Variants in DIDO1 observed in about 807,000 individuals in gnomAD.
DIDO1 encodes death inducer-obliterator 1, also known as death-inducer obliterator 1.
DIDO1 carries 16 observed loss-of-function variants against 99.4 expected under a neutral mutation model. That is an observed-to-expected ratio of 0.16 (90% CI 0.11 to 0.24). DIDO1 has a LOEUF of 0.24. Among genes scored for constraint, DIDO1 ranks in the 10% least tolerant of loss-of-function variants. The probability of loss-of-function intolerance (pLI) is 1.00; values close to 1 mark genes in which losing one functional copy is unlikely to be tolerated. For missense variants in DIDO1, 2,996 were observed against 3,014.0 expected (o/e 0.99, Z 0.14); for synonymous variants, 1,366 against 1,239.1 (o/e 1.10, Z -2.15).
chr20:62,921,126 C>T (rs1175118115), intron 1 of DIDO1, among the ~76,000 whole-genome samples: 2 of 152,110 alleles, frequency 1.3e-5, no homozygotes, highest in African/African-American at 4.8e-5. Context: ...GAACTCCTGA[C>T]CTCAGGTGAT....
Position 62,907,195 on chromosome 20 carries a change from C to T in DIDO1, c.1326G>A (p.Lys442=), listed in dbSNP as rs765326225. The T allele has an allele frequency of 1.9e-6, 3 of 1,614,258 alleles. No individual in the cohort carries two copies. The South Asian group carries it at 3.3e-5, about 18-fold the overall frequency. ...GKEQKPKPKE[K]MKMKPEKPSL... ...TGGGCTTCTCTGGCTTCATCTTCAT[C>T]TTTTCTTTAGGCTTTGGCTTCTGTT... The change falls in exon 5 of 16, where the codon AAG becomes AAA. Residue 442 remains lysine (K), a synonymous_variant. Transcript: ENST00000395343.
At chr20:62,922,034 GATATATATACACACAAT>G (rs1046108295) in intron 1 of DIDO1, among the ~76,000 whole-genome samples, 14 of 136,188 alleles carry the variant, frequency 1.0e-4, no homozygotes, top group Admixed American at 5.0e-4. Context: ...ATATCCACAC[GATATATATACACACAAT>G]ATATATATAC....
chr20:62,880,449 C>T lies in DIDO1; in HGVS notation c.5507G>A (p.Gly1836Glu), dbSNP rs1202046537. The T allele has an allele frequency of 1.2e-6, 2 of 1,612,810 alleles. No homozygotes were observed. The highest frequency in any genetic ancestry group is 2.7e-5 in the African/African-American group (2 of 74,940). The change falls in exon 16 of 16, where the codon GGA (glycine) becomes GAA (glutamate). Residue 1836 changes from glycine to glutamate, a missense_variant. Transcript: ENST00000395343. ...PSPSYLGGPR[G>E]VAPSQFEERK... ...TTCTTCAAATTGGGATGGTGCCACT[C>T]CTCGTGGTCCACCAAGGTAAGAGGG...
chr20:62,925,720 C>T (rs2147589070), intron 1 of DIDO1, among the ~76,000 whole-genome samples: 1 of 152,336 alleles, frequency 6.6e-6, no homozygotes, highest in African/African-American at 2.4e-5. Flanking sequence ...AGCACGAGCA[C>T]CCCTCCCGCC....
rs1453917778 is a variant in DIDO1 at position 62,922,008 on chromosome 20, T to C, written c.-200+4431A>G. Among the ~76,000 whole-genome samples, 6 of 150,066 alleles carry C rather than the reference T, an allele frequency of 4.0e-5. No homozygotes were observed. In the Admixed American group the frequency reaches 4.0e-4, roughly 10 times the overall value. ...GTCCACAATATATATACACTATATA[T>C]ATATCCACACAATATATATCCACAC... is the stretch of plus-strand genomic sequence containing the variant. On this transcript the variant is annotated intron_variant, in intron 1 of 15. Coordinates refer to ENST00000395343, the MANE Select transcript of DIDO1 (RefSeq NM_001193369.2).
chr20:62,891,044 T>C lies in DIDO1; in HGVS notation c.3457A>G (p.Asn1153Asp), dbSNP rs763440575. 1.9e-6 allele frequency: 3 copies of C among 1,614,172 alleles called. No homozygotes were observed. Among genetic ancestry groups the C allele is most frequent in the Non-Finnish European group, 2.5e-6 (3 of 1,180,034 alleles). ...AGGTAGAGGTCCTTGACGTGCCTGT[T>C]GTTATTAGCTACAACACCAAAGCGG... ...RGRFGVVANN[N>D]RHVKDLYLIP... is the part of the protein sequence containing the mutation. Residue 1153 changes from asparagine to aspartate, a missense_variant, in exon 15 of 16, where the codon AAC becomes GAC. By Grantham distance (23) the Asn-to-Asp change is conservative (BLOSUM62 1). Around this residue, in one of 5 missense-constraint regions of DIDO1, gnomAD observed 135 missense variants for 202.3 expected, o/e 0.67. Transcript: ENST00000395343.
chr20:62,916,628 T>C (rs1346896382), intron 1 of DIDO1, among the ~76,000 whole-genome samples: 1 of 152,234 alleles, frequency 6.6e-6, no homozygotes, highest in African/African-American at 2.4e-5. Context: ...TGTACATTTT[T>C]GCAAATTTCT....
chr20:62,902,410 C>T (rs1395645713), intron 6 of DIDO1, among the ~76,000 whole-genome samples: 3 of 152,144 alleles, frequency 2.0e-5, no homozygotes, highest in African/African-American at 4.8e-5. Flanking sequence ...TTGGTGGACA[C>T]GTAGAGTCTG....
At chr20:62,929,692 A>AAAAAAAAAAAAAT, upstream of DIDO1, among the ~76,000 whole-genome samples, 41 of 63,730 alleles carry the variant, frequency 6.4e-4, 1 homozygote, top group African/African-American at 3.0e-3. Flanking sequence ...AAAAAGAAAA[A>AAAAAAAAAAAAAT]GTGTATATAT....
chr20:62,929,695 G>GAAAAAAAAAAA (rs2065308341), upstream of DIDO1, among the ~76,000 whole-genome samples: 8 of 97,972 alleles, frequency 8.2e-5, no homozygotes, highest in African/African-American at 2.8e-4. Flanking sequence ...AAGAAAAAGT[G>GAAAAAAAAAAA]TATATATATA....
chr20:62,888,904 A>G (rs978066843), intron 15 of DIDO1: 1 of 985,372 alleles, frequency 1.0e-6, no homozygotes, highest in African/African-American at 1.7e-5. Flanking sequence ...GTCTTAAGTT[A>G]AAACATTTCT....
rs1474501184 is a variant in DIDO1, at chr20:62,882,433, G to C, written c.3542-19C>G. The stretch of plus-strand genomic sequence containing the variant: ...TCAAGACCTGAAAAACAAAATATTT[G>C]TGCAAATTTTAGAATCTAAATCCAG... On this transcript the variant is annotated intron_variant, in intron 15 of 15. Coordinates refer to ENST00000395343, the MANE Select transcript of DIDO1 (RefSeq NM_001193369.2). The C allele has an allele frequency of 6.3e-7, 1 of 1,589,708 alleles. No individual in the cohort carries two copies. The highest frequency in any genetic ancestry group is 8.6e-7 in the Non-Finnish European group (1 of 1,167,828).
rs201746991 is a variant in DIDO1, at chr20:62,881,068, C to T, written c.4888G>A (p.Glu1630Lys). 1,902 of 1,608,416 alleles carry T rather than the reference C, an allele frequency of 1.2e-3. 33 individuals are homozygous for T. In the East Asian group the frequency reaches 0.022, roughly 19 times the overall value. ...ASGEKPPAGS[E>K]QDGWKAEPGE... ...GGCTCTGCCTTCCAGCCGTCCTGCTCGGACCCCGCTGGGGGCTTTTCGCCC... is the reference window on the plus strand; with the variant it reads ...GGCTCTGCCTTCCAGCCGTCCTGCTTGGACCCCGCTGGGGGCTTTTCGCCC... Residue 1630 changes from glutamate (E) to lysine (K), a missense_variant, in exon 16 of 16, where the codon GAG becomes AAG. By Grantham distance (56) the Glu-to-Lys change is moderately conservative (BLOSUM62 1). Around this residue, in one of 5 missense-constraint regions of DIDO1, gnomAD observed 1,562 missense variants for 1,412.6 expected, o/e 1.11. Coordinates refer to ENST00000395343, the MANE Select transcript of DIDO1 (RefSeq NM_001193369.2). This position sits in a 1 kb window ranked among gnomAD's most constrained non-coding sequence, Gnocchi z 8.3.
At chr20:62,887,006 G>A (rs984261503) in intron 15 of DIDO1, among the ~76,000 whole-genome samples, 1 of 152,200 alleles carries the variant, frequency 6.6e-6, no homozygotes, top group African/African-American at 2.4e-5. Context: ...AGAGGAGAGC[G>A]ACGTCCATCT....
chr20:62,904,780 C>CAAAAAAAAAAAAAA lies in DIDO1; in HGVS notation c.1588+1093_1588+1106dup, dbSNP rs58039393. On this transcript the variant is annotated intron_variant, in intron 6 of 15. Transcript: ENST00000395343. ...GGGTGACAGAGCAAGACTCTTGTCT[C>CAAAAAAAAAAAAAA]AAAAAAAAAAAAAAAAAAAAAAAAA... is the stretch of plus-strand genomic sequence containing the variant. 5.6e-3 allele frequency among the ~76,000 whole-genome samples: 348 copies of CAAAAAAAAAAAAAA among 62,586 alleles called. 20 individuals are homozygous for CAAAAAAAAAAAAAA. Among genetic ancestry groups the CAAAAAAAAAAAAAA allele is most frequent in the East Asian group, 9.8e-3 (23 of 2,338 alleles). The allele number at this position is 62,586 out of a possible 152,430, so 41.1% of individuals were successfully genotyped here.
At chr20:62,919,829 T>A (rs961900293) in intron 1 of DIDO1, among the ~76,000 whole-genome samples, 16 of 152,330 alleles carry the variant, frequency 1.1e-4, no homozygotes, top group African/African-American at 3.8e-4. Context: ...CACAGGCTGG[T>A]GACCTTGGTG....
At chr20:62,888,540 G>A in intron 15 of DIDO1, 1 of 985,538 alleles carries the variant, frequency 1.0e-6, no homozygotes, top group Non-Finnish European at 1.2e-6. Context: ...CAGCTCTGTG[G>A]AGTCACCACC....
intron 6 of DIDO1, among the ~76,000 whole-genome samples, chr20:62,902,330 T>TA (rs901617769): frequency 5.3e-5 from 8 of 152,176 alleles, no homozygotes; most frequent in African/African-American, 1.7e-4. Flanking sequence ...ATGGATAACG[T>TA]AAAAAAACAA....
At chr20:62,915,774 C>T (rs922243432) in intron 1 of DIDO1, among the ~76,000 whole-genome samples, 1 of 152,084 alleles carries the variant, frequency 6.6e-6, no homozygotes, top group African/African-American at 2.4e-5. Flanking sequence ...AGTACATGAA[C>T]GAGCCACCAT....
Sources: gnomAD v4.1 joint callset for allele counts (sites outside exome capture counted in the v4.1 genomes callset) on GRCh38, gnomAD v4.1.1 for gene constraint, gnomAD v4.1.1 regional missense constraint, Gnocchi (gnomAD v3.1) non-coding constraint, MANE v1.5 for transcripts, NCBI Gene and HGNC (gene_info 2026-07-23, HGNC 2026-07-21) for gene names.